ADAMTS2: variants seen among roughly 807,000 people sequenced by gnomAD.
ADAMTS2 encodes the protein ADAM metallopeptidase with thrombospondin type 1 motif 2, also known as A disintegrin and metalloproteinase with thrombospondin motifs 2.
In ADAMTS2, 50 loss-of-function variants were observed where a neutral mutation model predicts 123.0. The observed-to-expected ratio is 0.41, with a 90% CI of 0.32 to 0.51. The LOEUF (loss-of-function observed/expected upper bound fraction) is 0.51. Ranked by LOEUF, ADAMTS2 falls within the 20% of genes least tolerant of loss-of-function variation. The pLI is 0.35. For synonymous variants in ADAMTS2, 678 were observed against 695.4 expected (o/e 0.98, Z 0.39); for missense variants, 1,494 against 1,705.2 (o/e 0.88, Z 2.18).
chr5:179,232,544 C>G (rs779249898), intron 3 of ADAMTS2, among the ~76,000 whole-genome samples: 1 of 152,240 alleles, frequency 6.6e-6, no homozygotes, highest in Non-Finnish European at 1.5e-5. Context: ...TGCTAGGCCA[C>G]TCCTTCTGGG....
Position 179,118,398 on chromosome 5 carries a change from C to T in ADAMTS2, c.3178+3263G>A, listed in dbSNP as rs76397818. ...CTGTGGTTTTACAATATTTGGTCTT[C>T]GGCCATTTCCAGTAGCAATCAAGTA... On this transcript the variant is annotated intron_variant, in intron 21 of 21. Transcript: ENST00000251582. The surrounding 1 kb of genome is among the most constrained non-coding windows in gnomAD (Gnocchi z 4.5). Among the ~76,000 whole-genome samples the T allele has an allele frequency of 4.6e-4, 70 of 152,116 alleles. No individual in the cohort carries two copies. The highest frequency in any genetic ancestry group is 1.6e-3 in the African/African-American group (68 of 41,506).
intron 21 of ADAMTS2, chr5:179,120,839 C>T (rs1174787413): frequency 1.3e-5 from 2 of 152,248 alleles, no homozygotes; most frequent in Admixed American, 1.3e-4. Flanking sequence ...TCCCCTACAC[C>T]TTCCCTGCCT....
chr5:179,153,237 C>G (rs1045848296), intron 9 of ADAMTS2, among the ~76,000 whole-genome samples: 16 of 152,302 alleles, frequency 1.1e-4, no homozygotes, highest in African/African-American at 3.8e-4. Context: ...TCTCACTGCC[C>G]CTGGCTGACA....
Position 179,153,442 on chromosome 5 carries a change from G to A in ADAMTS2, c.1515+49C>T, listed in dbSNP as rs181998896. 1.5e-3 allele frequency: 2,372 copies of A among 1,600,114 alleles called. 29 individuals carry two copies. In the African/African-American group the frequency reaches 0.027, roughly 18 times the overall value. On this transcript the variant is annotated intron_variant, in intron 9 of 21. Transcript: ENST00000251582. ...CCGGGAGCTGCCCCTACACCAGCAC[G>A]CCTCCCCCCAGACCTGGGAGGGTCC...
chr5:179,326,470 TG>T (rs1340305648), intron 2 of ADAMTS2, among the ~76,000 whole-genome samples: 14 of 101,730 alleles, frequency 1.4e-4, no homozygotes, highest in Admixed American at 3.6e-4. Context: ...TACCCCGGCC[TG>T]TGCCCCGCCC....
intron 10 of ADAMTS2, among the ~76,000 whole-genome samples, chr5:179,150,565 C>T (rs1426241722): frequency 6.6e-6 from 1 of 152,162 alleles, no homozygotes; most frequent in African/African-American, 2.4e-5. Flanking sequence ...GTGGCACACC[C>T]ACACGACGGG....
chr5:179,316,626 G>A (rs185299), intron 2 of ADAMTS2, among the ~76,000 whole-genome samples: 32,379 of 152,188 alleles, frequency 0.21, 4,289 homozygotes, highest in Middle Eastern at 0.31. Context: ...CCAGGGCAGA[G>A]CAGGCACGGA....
chr5:179,135,474 A>G (rs975140601), intron 13 of ADAMTS2, among the ~76,000 whole-genome samples: 2 of 152,252 alleles, frequency 1.3e-5, no homozygotes, highest in Admixed American at 6.5e-5. Context: ...GGGCATTTCT[A>G]CAAAGCACCA....
At chr5:179,270,069 A>G (rs1413404974) in intron 3 of ADAMTS2, among the ~76,000 whole-genome samples, 2 of 151,774 alleles carry the variant, frequency 1.3e-5, no homozygotes, top group African/African-American at 4.8e-5. Context: ...CAGTGCACAC[A>G]CTCATCCCTG....
intron 2 of ADAMTS2, among the ~76,000 whole-genome samples, chr5:179,301,398 G>A (rs1561710435): frequency 6.6e-6 from 1 of 152,210 alleles, no homozygotes; most frequent in Non-Finnish European, 1.5e-5. Flanking sequence ...AGATAATGAA[G>A]GCAAAGGAAG....
At position 179,115,971 on chromosome 5, in the gene ADAMTS2, T is replaced by C. The variant is rs570682289; in HGVS notation, c.3179-1647A>G. ...CTACAAGCCAAATCCACCAAGGGCC[T>C]GTGGGTCCCAAAAGCCCGAGACCCA... On this transcript the variant is annotated intron_variant, in intron 21 of 21. Transcript: ENST00000251582. This position sits in a 1 kb window ranked among gnomAD's most constrained non-coding sequence, Gnocchi z 4.4. Among the ~76,000 whole-genome samples the C allele has an allele frequency of 6.6e-6, 1 of 152,040 alleles. No homozygotes were observed. Among genetic ancestry groups the C allele is most frequent in the African/African-American group, 2.4e-5 (1 of 41,494 alleles).
At chr5:179,320,179 C>T (rs1581272526) in intron 2 of ADAMTS2, among the ~76,000 whole-genome samples, 1 of 152,196 alleles carries the variant, frequency 6.6e-6, no homozygotes, top group African/African-American at 2.4e-5. Context: ...CCATGTCTGC[C>T]TCGTGTCCTT....
chr5:179,240,663 G>A (rs1765643758), intron 3 of ADAMTS2, among the ~76,000 whole-genome samples: 1 of 152,220 alleles, frequency 6.6e-6, no homozygotes, highest in Non-Finnish European at 1.5e-5. Flanking sequence ...TCGACCTCAT[G>A]GGAAATTTTG....
intron 2 of ADAMTS2, among the ~76,000 whole-genome samples, chr5:179,297,560 G>A (rs1756376428): frequency 6.6e-6 from 1 of 151,972 alleles, no homozygotes; most frequent in Non-Finnish European, 1.5e-5. Flanking sequence ...ATACGCTGAG[G>A]CCCCATGTCT....
At chr5:179,135,549 C>G (rs533240935) in intron 13 of ADAMTS2, among the ~76,000 whole-genome samples, 9 of 152,320 alleles carry the variant, frequency 5.9e-5, no homozygotes, top group Non-Finnish European at 1.2e-4. Flanking sequence ...CTGCAGGGTG[C>G]AAGGATGGGG....
In ADAMTS2 at chr5:179,202,782, T is replaced by G. The variant is rs1415216970; in HGVS notation, c.891+4731A>C. Among the ~76,000 whole-genome samples, 1 of 152,138 alleles carries G rather than the reference T, an allele frequency of 6.6e-6. No homozygotes were observed. The highest frequency in any genetic ancestry group is 2.4e-5 in the African/African-American group (1 of 41,436). On this transcript the variant is annotated intron_variant, in intron 4 of 21. Transcript: ENST00000251582. This position sits in a 1 kb window ranked among gnomAD's most constrained non-coding sequence, Gnocchi z 4.0. Reference sequence around the variant, plus strand: ...AGGGCCCGAGCCTATGTTGCAGCTGTACCTACTGGGACACATGGCTTCCAA... The same window carrying G: ...AGGGCCCGAGCCTATGTTGCAGCTGGACCTACTGGGACACATGGCTTCCAA...
chr5:179,331,352 G>C (rs1477916565), intron 2 of ADAMTS2, among the ~76,000 whole-genome samples: 1 of 114,838 alleles, frequency 8.7e-6, no homozygotes, highest in African/African-American at 3.5e-5. Context: ...AAAGAGGAAT[G>C]AGAAAAGAAG....
chr5:179,301,253 C>T (rs549018050), intron 2 of ADAMTS2, among the ~76,000 whole-genome samples: 3 of 152,176 alleles, frequency 2.0e-5, no homozygotes, highest in Admixed American at 1.3e-4. Flanking sequence ...TGAGCCCAGC[C>T]GAAACTTGAG....
Position 179,317,644 on chromosome 5 carries a change from A to C in ADAMTS2, c.534+26123T>G, listed in dbSNP as rs1757039740. Among the ~76,000 whole-genome samples, 1 of 152,192 alleles carries C rather than the reference A, an allele frequency of 6.6e-6. No individual in the cohort carries two copies. ...CCCGGATGGCCAGCGGGCACAGAGC[A>C]TATGTGTGCTGAGGGACACATGCCC... On this transcript the variant is annotated intron_variant, in intron 2 of 21. Coordinates refer to ENST00000251582, the MANE Select transcript of ADAMTS2 (RefSeq NM_014244.5). This position sits in a 1 kb window ranked among gnomAD's most constrained non-coding sequence, Gnocchi z 4.9.
Sources: allele counts gnomAD v4.1 joint callset (sites outside exome capture counted in the v4.1 genomes callset), GRCh38; gene constraint gnomAD v4.1.1; non-coding constraint Gnocchi (gnomAD v3.1); transcripts MANE v1.5; gene names NCBI Gene and HGNC (gene_info 2026-07-23, HGNC 2026-07-21).